Variants in WWOX observed in about 807,000 individuals in gnomAD.
The protein encoded by WWOX is WW domain containing oxidoreductase.
Under a neutral mutation model 46.2 loss-of-function variants are expected in WWOX, and 69 were observed. The ratio of observed to expected loss-of-function variants is 1.49; its 90% CI spans 1.23 to 1.82. The LOEUF is 1.82. WWOX is among the 40% of genes most tolerant of loss of function. The pLI is 0.00. For missense variants in WWOX, 919 were observed against 542.6 expected, an observed-to-expected ratio of 1.69 and a Z score of -6.89; for synonymous variants, 359 against 202.6, an observed-to-expected ratio of 1.77 and a Z score of -6.56.
At chr16:78,332,336 C>T (rs2080778033) in intron 5 of WWOX, among the ~76,000 whole-genome samples, 1 of 152,190 alleles carries the variant, frequency 6.6e-6, no homozygotes, top group African/African-American at 2.4e-5. Flanking sequence ...GCTTAAGAAA[C>T]ACCCCAGTGG....
intron 8 of WWOX, among the ~76,000 whole-genome samples, chr16:78,841,877 A>G (rs1191444097): frequency 6.6e-6 from 1 of 152,218 alleles, no homozygotes; most frequent in Admixed American, 6.5e-5. Flanking sequence ...GGGTTATACA[A>G]TATTTCTTTT....
At position 78,610,973 on chromosome 16, in the gene WWOX, A is replaced by G. The variant is rs140559043; in HGVS notation, c.1056+178221A>G. 7.9e-5 allele frequency among the ~76,000 whole-genome samples: 12 copies of G among 152,302 alleles called. No homozygotes were observed. In the East Asian group the frequency reaches 2.1e-3, roughly 27 times the overall value. On this transcript the variant is annotated intron_variant, in intron 8 of 8. Coordinates refer to ENST00000566780, the MANE Select transcript of WWOX (RefSeq NM_016373.4). Reference sequence around the variant, plus strand: ...GACATGTTTCTTAACATTAAAAACAACAAAAACAACAACAACAACAAAAAA... The same window carrying G: ...GACATGTTTCTTAACATTAAAAACAGCAAAAACAACAACAACAACAAAAAA...
chr16:79,097,100 G>C (rs2049091669), intron 8 of WWOX, among the ~76,000 whole-genome samples: 1 of 151,834 alleles, frequency 6.6e-6, no homozygotes, highest in Admixed American at 6.6e-5. Flanking sequence ...TAACTTACTT[G>C]CTTCCATCAT....
At chr16:78,503,383 G>C (rs1195834233) in intron 8 of WWOX, among the ~76,000 whole-genome samples, 1 of 151,844 alleles carries the variant, frequency 6.6e-6, no homozygotes, top group Admixed American at 6.6e-5. Context: ...TACATATGCT[G>C]AAATTCCTAT....
intron 5 of WWOX, among the ~76,000 whole-genome samples, chr16:78,318,898 G>C (rs936912951): frequency 8.5e-5 from 13 of 152,180 alleles, no homozygotes; most frequent in African/African-American, 3.1e-4. Context: ...TTCCAGGTAG[G>C]TAAAATAATG....
At chr16:78,961,685 T>C (rs188999549) in intron 8 of WWOX, among the ~76,000 whole-genome samples, 77 of 152,252 alleles carry the variant, frequency 5.1e-4, no homozygotes, top group African/African-American at 1.8e-3. Flanking sequence ...AAGGTGAGCT[T>C]GTTAAAATAA....
intron 8 of WWOX, among the ~76,000 whole-genome samples, chr16:78,609,157 T>G (rs548224092): frequency 6.6e-6 from 1 of 152,246 alleles, no homozygotes; most frequent in African/African-American, 2.4e-5. Flanking sequence ...TTGAAATCTT[T>G]CTATCCTTTC....
chr16:79,129,871 G>A (rs1408969869), intron 8 of WWOX, among the ~76,000 whole-genome samples: 1 of 152,192 alleles, frequency 6.6e-6, no homozygotes, highest in South Asian at 2.1e-4. Flanking sequence ...ACAGGCAGGG[G>A]TCAGGCTCCC....
intron 8 of WWOX, among the ~76,000 whole-genome samples, chr16:78,998,977 A>G (rs1383884615): frequency 6.6e-6 from 1 of 152,234 alleles, no homozygotes; most frequent in African/African-American, 2.4e-5. Context: ...ATTCCAGGAA[A>G]GTCCCAGATG....
At chr16:78,440,193 G>T (rs9927016) in intron 8 of WWOX, among the ~76,000 whole-genome samples, 12,358 of 152,244 alleles carry the variant, frequency 0.081, 898 homozygotes, top group African/African-American at 0.19. Context: ...TAATCAAATG[G>T]AAATGCTATC....
intron 5 of WWOX, among the ~76,000 whole-genome samples, chr16:78,362,095 T>G (rs1255560187): frequency 6.6e-6 from 1 of 152,024 alleles, no homozygotes; most frequent in East Asian, 1.9e-4. Context: ...TCTCACTACA[T>G]TCTTCCTCAC....
At chr16:78,740,242 C>T (rs1031666587) in intron 8 of WWOX, among the ~76,000 whole-genome samples, 4 of 152,196 alleles carry the variant, frequency 2.6e-5, no homozygotes, top group Admixed American at 1.3e-4. Flanking sequence ...AGTCTTCAGG[C>T]GTTCTTACAA....
At chr16:78,526,064 T>G (rs1041759695) in intron 8 of WWOX, 1 of 152,170 alleles carries the variant, frequency 6.6e-6, no homozygotes, top group Non-Finnish European at 1.5e-5. Flanking sequence ...CTAACAGTAT[T>G]TCGGTGTGCA....
intron 8 of WWOX, among the ~76,000 whole-genome samples, chr16:79,171,122 A>G (rs1001782899): frequency 1.3e-5 from 2 of 152,162 alleles, no homozygotes; most frequent in African/African-American, 4.8e-5. Flanking sequence ...AGTGAGAGGG[A>G]TGGAATGCTT....
At chr16:78,961,665 G>C (rs912926744) in intron 8 of WWOX, among the ~76,000 whole-genome samples, 4 of 152,124 alleles carry the variant, frequency 2.6e-5, no homozygotes, top group African/African-American at 9.7e-5. Flanking sequence ...TCACGTGCAA[G>C]AGAATCCCCA....
chr16:78,929,847 T>G (rs1219137300), intron 8 of WWOX, among the ~76,000 whole-genome samples: 1 of 152,222 alleles, frequency 6.6e-6, no homozygotes, highest in East Asian at 1.9e-4. Flanking sequence ...AATGCGATTG[T>G]GCACGGACCC....
chr16:79,177,501 GATCCCTCAA>G (rs1264745122), intron 8 of WWOX, among the ~76,000 whole-genome samples: 9 of 152,238 alleles, frequency 5.9e-5, no homozygotes, highest in Non-Finnish European at 4.4e-5. Context: ...GGTCATTACA[GATCCCTCAA>G]ATCCCTCTCC....
intron 8 of WWOX, among the ~76,000 whole-genome samples, chr16:79,061,350 C>T (rs768210836): frequency 6.6e-6 from 1 of 152,084 alleles, no homozygotes; most frequent in Non-Finnish European, 1.5e-5. Flanking sequence ...AGATTACTCC[C>T]GTCTAAGGGC....
At chr16:79,109,950 A>G (rs577938882) in intron 8 of WWOX, among the ~76,000 whole-genome samples, 2 of 152,220 alleles carry the variant, frequency 1.3e-5, no homozygotes, top group African/African-American at 4.8e-5. Context: ...TGTCAGTTGC[A>G]TGGAAATGAA....
Sources: allele counts gnomAD v4.1 joint callset (sites outside exome capture counted in the v4.1 genomes callset), GRCh38; gene constraint gnomAD v4.1.1; transcripts MANE v1.5; gene names NCBI Gene and HGNC (gene_info 2026-07-23, HGNC 2026-07-21).